BLTP1: variants seen among roughly 807,000 people sequenced by gnomAD.
BLTP1 encodes the protein fragile site-associated protein.
At chr4:122,239,876 T>A in the BLTP1 span, 1 of 1,614,052 alleles carries the variant, frequency 6.2e-7, no homozygotes, top group South Asian at 1.1e-5. Context: ...TTTCTGCTGC[T>A]GAGGAATTTG....
the BLTP1 span, among the ~76,000 whole-genome samples, chr4:122,295,137 T>C: frequency 6.6e-5 from 10 of 152,132 alleles, no homozygotes; most frequent in African/African-American, 1.7e-4. Flanking sequence ...CTATGACTGA[T>C]TGGGGTACCT....
chr4:122,322,660 G>A, the BLTP1 span, among the ~76,000 whole-genome samples: 1 of 152,116 alleles, frequency 6.6e-6, no homozygotes, highest in African/African-American at 2.4e-5. Flanking sequence ...AGGTGTCAGG[G>A]TAAGAGAAGC....
the BLTP1 span, chr4:122,246,929 G>T: frequency 6.9e-7 from 1 of 1,455,942 alleles, no homozygotes; most frequent in Non-Finnish European, 9.1e-7. Flanking sequence ...CTCAGAACTG[G>T]TTTTGGAATT....
At chr4:122,312,802 G>T in the BLTP1 span, 2 of 798,378 alleles carry the variant, frequency 2.5e-6, no homozygotes, top group African/African-American at 3.7e-5. Flanking sequence ...TGAATAGTAA[G>T]CTCAAATTTA....
the BLTP1 span, chr4:122,232,076 G>C: frequency 1.0e-6 from 1 of 985,388 alleles, no homozygotes; most frequent in African/African-American, 1.7e-5. Context: ...AACTAAGGAG[G>C]TTACTTCAGG....
chr4:122,306,640 T>C, the BLTP1 span: 13 of 956,174 alleles, frequency 1.4e-5, no homozygotes, highest in Non-Finnish European at 1.6e-5. Flanking sequence ...GTCCCTGGCA[T>C]ACAATAAGAA....
chr4:122,289,152 G>A, the BLTP1 span: 1 of 1,610,350 alleles, frequency 6.2e-7, no homozygotes, highest in Non-Finnish European at 8.5e-7. Flanking sequence ...TACAGAAAGT[G>A]TTCATGAAGG....
the BLTP1 span, among the ~76,000 whole-genome samples, chr4:122,243,230 T>A: frequency 2.0e-5 from 3 of 152,358 alleles, no homozygotes; most frequent in South Asian, 2.1e-4. Flanking sequence ...TGGCTACATT[T>A]ATAAGTAGTC....
the BLTP1 span, chr4:122,242,903 C>A: frequency 2.6e-6 from 2 of 771,198 alleles, no homozygotes; most frequent in South Asian, 3.8e-5. Flanking sequence ...ATATCAAAAT[C>A]ATATTAGGTA....
At chr4:122,347,794 T>C in the BLTP1 span, 1 of 1,595,706 alleles carries the variant, frequency 6.3e-7, no homozygotes, top group South Asian at 1.1e-5. Context: ...CACTGCTCTT[T>C]TTGTTATCAG....
At chr4:122,223,115 A>T in the BLTP1 span, 1 of 950,558 alleles carries the variant, frequency 1.1e-6, no homozygotes, top group Non-Finnish European at 1.3e-6. Context: ...GTGATTTTAT[A>T]TAAAGTCACA....
At chr4:122,189,390 A>C in the BLTP1 span, 1 of 983,794 alleles carries the variant, frequency 1.0e-6, no homozygotes, top group Admixed American at 6.2e-5. Flanking sequence ...TTGATGGTAG[A>C]AAAACGTTCA....
chr4:122,165,891 A>G, the BLTP1 span, among the ~76,000 whole-genome samples: 177 of 150,830 alleles, frequency 1.2e-3, no homozygotes, highest in Non-Finnish European at 2.1e-3. Flanking sequence ...GTGTCTGTTC[A>G]TATCCTTCGC....
the BLTP1 span, chr4:122,292,473 T>A: frequency 1.2e-6 from 1 of 848,544 alleles, no homozygotes; most frequent in South Asian, 5.5e-5. Flanking sequence ...TCAGATATGT[T>A]AAAACATGTA....
chr4:122,309,331 C>T, the BLTP1 span: 2 of 1,613,434 alleles, frequency 1.2e-6, no homozygotes, highest in African/African-American at 1.3e-5. Flanking sequence ...GTACTCTCAT[C>T]ACTGCATGCT....
At chr4:122,259,918 G>C in the BLTP1 span, 4 of 939,692 alleles carry the variant, frequency 4.3e-6, no homozygotes, top group Non-Finnish European at 3.8e-6. Flanking sequence ...TTGATACCCA[G>C]AATCTGTAAA....
At chr4:122,272,319 A>C in the BLTP1 span, 1 of 1,613,252 alleles carries the variant, frequency 6.2e-7, no homozygotes, top group Non-Finnish European at 8.5e-7. Flanking sequence ...AACCGCACAC[A>C]CCTAGAGGCA....
chr4:122,232,691 A>T, the BLTP1 span, among the ~76,000 whole-genome samples: 1 of 152,154 alleles, frequency 6.6e-6, no homozygotes, highest in Non-Finnish European at 1.5e-5. Flanking sequence ...GGAACACTGA[A>T]CTTAGGGTAT....
the BLTP1 span, among the ~76,000 whole-genome samples, chr4:122,177,699 T>C: frequency 6.6e-6 from 1 of 152,172 alleles, no homozygotes; most frequent in Non-Finnish European, 1.5e-5. Context: ...CACCATGAAA[T>C]GTTGGCCTCT....
Sources: gnomAD v4.1 joint callset for allele counts (sites outside exome capture counted in the v4.1 genomes callset) on GRCh38, gnomAD v4.1.1 for gene constraint, MANE v1.5 for transcripts, NCBI Gene and HGNC (gene_info 2026-07-23, HGNC 2026-07-21) for gene names.